The following GPR39 variants were observed in gnomAD, a reference collection of about 807,000 sequenced individuals.
The protein encoded by GPR39 is zinc sensing receptor.
In GPR39, 23 loss-of-function variants were observed where a neutral mutation model predicts 18.4. The ratio of observed to expected loss-of-function variants is 1.25; its 90% CI spans 0.90 to 1.77. The LOEUF (loss-of-function observed/expected upper bound fraction) is 1.77. Among genes scored for constraint, GPR39 ranks in the 40% most tolerant of loss-of-function variants. GPR39 has a pLI of 0.00. For missense variants in GPR39, 647 were observed against 602.4 expected, an observed-to-expected ratio of 1.07 and a Z score of -0.78; for synonymous variants, 280 against 257.9, an observed-to-expected ratio of 1.09 and a Z score of -0.82.
In GPR39 at chr2:132,417,550, T is replaced by G. The variant is rs536856722; in HGVS notation, c.508T>G (p.Leu170Val). 6.8e-6 allele frequency: 11 copies of G among 1,614,186 alleles called. No individual in the cohort carries two copies. Among genetic ancestry groups the G allele is most frequent in the Non-Finnish European group, 9.3e-6 (11 of 1,180,040 alleles). ...CACCTCCGCCCTGGTGGCACTGCCC[T>G]TGCTGTTTGCCATGGGTACTGAGTA... ...WVTSALVALP[L>V]LFAMGTEYPL... Residue 170 changes from leucine (L) to valine (V), a missense_variant, in exon 1 of 2, where the codon TTG becomes GTG. Transcript: ENST00000329321.
intron 1 of GPR39, among the ~76,000 whole-genome samples, chr2:132,596,971 C>T (rs1161404628): frequency 1.3e-5 from 2 of 152,172 alleles, no homozygotes; most frequent in East Asian, 1.9e-4. Flanking sequence ...CTGATGTTTC[C>T]GTTTTTCATT....
At chr2:132,593,923 C>A (rs1347346348) in intron 1 of GPR39, among the ~76,000 whole-genome samples, 1 of 152,188 alleles carries the variant, frequency 6.6e-6, no homozygotes, top group East Asian at 1.9e-4. Context: ...CCTTGCTGGT[C>A]ACCCATCGTT....
At chr2:132,560,541 C>T (rs1208812122) in intron 1 of GPR39, among the ~76,000 whole-genome samples, 1 of 152,248 alleles carries the variant, frequency 6.6e-6, no homozygotes, top group Non-Finnish European at 1.5e-5. Context: ...TGAAATGGCT[C>T]ATCTGGAGTT....
chr2:132,512,736 C>T (rs528418747), intron 1 of GPR39, among the ~76,000 whole-genome samples: 80 of 152,312 alleles, frequency 5.3e-4, no homozygotes, highest in African/African-American at 1.9e-3. Flanking sequence ...AGAGCGCAGT[C>T]ATACATTTAT....
chr2:132,495,145 G>C (rs561729299), intron 1 of GPR39, among the ~76,000 whole-genome samples: 3 of 152,290 alleles, frequency 2.0e-5, no homozygotes, highest in Admixed American at 2.0e-4. Context: ...TTGTATAGGG[G>C]TACCAAAGAG....
At chr2:132,530,760 A>G (rs1245859123) in intron 1 of GPR39, among the ~76,000 whole-genome samples, 1 of 152,224 alleles carries the variant, frequency 6.6e-6, no homozygotes, top group East Asian at 1.9e-4. Flanking sequence ...ACTAAGCTTC[A>G]TAAGTGAAGG....
At chr2:132,446,300 G>A (rs548752671) in intron 1 of GPR39, among the ~76,000 whole-genome samples, 4 of 152,322 alleles carry the variant, frequency 2.6e-5, no homozygotes, top group Admixed American at 2.6e-4. Flanking sequence ...GAGACACAAA[G>A]CCATGAAGAA....
intron 1 of GPR39, among the ~76,000 whole-genome samples, chr2:132,557,086 G>A (rs34136745): frequency 1.3e-4 from 10 of 78,536 alleles, no homozygotes; most frequent in African/African-American, 3.7e-4. Context: ...GAGGCCAAGG[G>A]GGGGGGCAGA....
chr2:132,623,373 A>G (rs1681480565), intron 1 of GPR39, among the ~76,000 whole-genome samples: 2 of 152,180 alleles, frequency 1.3e-5, no homozygotes, highest in African/African-American at 4.8e-5. Flanking sequence ...CTGAAAAAGA[A>G]GGGCTGTGGC....
chr2:132,510,393 C>A (rs1020940596), intron 1 of GPR39, among the ~76,000 whole-genome samples: 2 of 152,124 alleles, frequency 1.3e-5, no homozygotes. Context: ...TCATGCCCCA[C>A]CTGTACCACA....
At chr2:132,549,925 A>C (rs1282266206) in intron 1 of GPR39, among the ~76,000 whole-genome samples, 3 of 152,232 alleles carry the variant, frequency 2.0e-5, no homozygotes, top group Non-Finnish European at 4.4e-5. Context: ...TGATGCTCAT[A>C]AACAACCTAT....
chr2:132,443,571 A>G (rs1184610402), intron 1 of GPR39, among the ~76,000 whole-genome samples: 1 of 152,196 alleles, frequency 6.6e-6, no homozygotes, highest in Non-Finnish European at 1.5e-5. Flanking sequence ...AGGCTGAGCT[A>G]TGATGTGGGT....
intron 1 of GPR39, among the ~76,000 whole-genome samples, chr2:132,599,555 A>G (rs1681004558): frequency 6.6e-6 from 1 of 152,162 alleles, no homozygotes; most frequent in Admixed American, 6.5e-5. Context: ...TCTGGGGAAA[A>G]CAAACACCAT....
At chr2:132,613,457 C>T (rs553319502) in intron 1 of GPR39, among the ~76,000 whole-genome samples, 2 of 152,242 alleles carry the variant, frequency 1.3e-5, no homozygotes, top group Admixed American at 6.5e-5. Flanking sequence ...TTTCCTTGGC[C>T]CTTCTGAGAC....
intron 1 of GPR39, among the ~76,000 whole-genome samples, chr2:132,486,670 A>C (rs1681346077): frequency 6.6e-6 from 1 of 152,208 alleles, no homozygotes; most frequent in South Asian, 2.1e-4. Flanking sequence ...TACTTCCCTC[A>C]GCCTTCATAG....
At chr2:132,598,467 T>TTTGTTGTTG (rs61704849) in intron 1 of GPR39, among the ~76,000 whole-genome samples, 4 of 137,160 alleles carry the variant, frequency 2.9e-5, no homozygotes, top group Non-Finnish European at 4.6e-5. Context: ...AATGGGGTTT[T>TTTGTTGTTG]TTGTTGTTGT....
intron 1 of GPR39, among the ~76,000 whole-genome samples, chr2:132,575,202 TA>T (rs1680508913): frequency 6.6e-6 from 1 of 152,230 alleles, no homozygotes; most frequent in African/African-American, 2.4e-5. Context: ...TTATGACATA[TA>T]AAAAAGTTAA....
chr2:132,518,260 A>T (rs1679367415), intron 1 of GPR39, among the ~76,000 whole-genome samples: 2 of 152,316 alleles, frequency 1.3e-5, no homozygotes, highest in South Asian at 4.1e-4. Context: ...CAGATGCATG[A>T]GATTGTGAAG....
chr2:132,606,579 A>G (rs936861004), intron 1 of GPR39, among the ~76,000 whole-genome samples: 11 of 152,230 alleles, frequency 7.2e-5, no homozygotes, highest in African/African-American at 2.7e-4. Context: ...GTGGGTGTGT[A>G]TTACAGTGTG....
Sources: allele counts gnomAD v4.1 joint callset (sites outside exome capture counted in the v4.1 genomes callset), GRCh38; gene constraint gnomAD v4.1.1; transcripts MANE v1.5; gene names NCBI Gene and HGNC (gene_info 2026-07-23, HGNC 2026-07-21).